Variants in FXR1 observed in about 807,000 individuals in gnomAD.
FXR1 encodes FMR1 autosomal homolog 1, also known as RNA-binding protein FXR1.
In FXR1, 15 loss-of-function variants were observed where a neutral mutation model predicts 84.0. That is an observed-to-expected ratio of 0.18 (90% CI 0.12 to 0.27). FXR1 has a LOEUF of 0.27. FXR1 is among the 10% of genes least tolerant of loss of function. The pLI is 1.00. For synonymous variants in FXR1, 245 were observed against 250.7 expected, an observed-to-expected ratio of 0.98 and a Z score of 0.21; for missense variants, 480 against 774.4, an observed-to-expected ratio of 0.62 and a Z score of 4.51.
chr3:180,975,480 T>C (rs1172942940), intron 16 of FXR1, 76 bp downstream of exon 16: 2 of 576,898 alleles, frequency 3.5e-6, no homozygotes, highest in Non-Finnish European at 6.2e-6. Flanking sequence ...TTTACTACTT[T>C]TACTGTGTGA....
chr3:180,941,248 T>TG, intron 3 of FXR1, among the ~76,000 whole-genome samples: 1 of 151,808 alleles, frequency 6.6e-6, no homozygotes, highest in Non-Finnish European at 1.5e-5. Context: ...TGGAGTACAA[T>TG]GGTGCCATCA....
At chr3:180,916,508 A>G (rs1717914176) in intron 1 of FXR1, among the ~76,000 whole-genome samples, 1 of 152,170 alleles carries the variant, frequency 6.6e-6, no homozygotes, top group Non-Finnish European at 1.5e-5. Context: ...CCCAGGTTCA[A>G]GTGATTCTCC....
In FXR1 at chr3:180,979,554, T is replaced by A. The variant is rs942441776; in HGVS notation, c.*3262T>A. ...ATAGTGAATTTGCTAGCCCCTTATT[T>A]TTTTTTTTAATTTTAGTTCTTTATT... On this transcript the variant is annotated 3_prime_UTR_variant, in exon 17 of 17. Coordinates refer to ENST00000357559, the MANE Select transcript of FXR1 (RefSeq NM_005087.4). 2.0e-5 allele frequency: 3 copies of A among 152,060 alleles called. No homozygotes were observed. The highest frequency in any genetic ancestry group is 7.2e-5 in the African/African-American group (3 of 41,412). The allele number at this position is 152,060 out of a possible 1,614,324, so 9.4% of individuals were successfully genotyped here. A position where few individuals can be genotyped will look rare whatever the true frequency, so the allele number is the denominator to read the frequency against.
chr3:180,919,896 G>C (rs1347829578), intron 1 of FXR1, among the ~76,000 whole-genome samples: 1 of 148,784 alleles, frequency 6.7e-6, no homozygotes, highest in Non-Finnish European at 1.5e-5. Flanking sequence ...CCAAACTGCT[G>C]ACCTTATGAT....
intron 13 of FXR1, among the ~76,000 whole-genome samples, chr3:180,965,097 A>G (rs7611091): frequency 0.069 from 10,494 of 151,802 alleles, 1,046 homozygotes; most frequent in African/African-American, 0.22. Flanking sequence ...GCTCACCGCA[A>G]CCTCTCCCTC....
intron 13 of FXR1, among the ~76,000 whole-genome samples, chr3:180,964,521 C>A (rs1712544035): frequency 6.6e-6 from 1 of 151,980 alleles, no homozygotes; most frequent in Non-Finnish European, 1.5e-5. Context: ...CAGTAGATGG[C>A]ACTCTTAGCT....
intron 1 of FXR1, among the ~76,000 whole-genome samples, chr3:180,918,158 T>C (rs1718131282): frequency 6.6e-6 from 1 of 152,176 alleles, no homozygotes; most frequent in South Asian, 2.1e-4. Flanking sequence ...GTACCTGTTA[T>C]TTTCTATGTC....
chr3:180,931,132 C>A (rs1719849779), intron 1 of FXR1, among the ~76,000 whole-genome samples: 1 of 150,760 alleles, frequency 6.6e-6, no homozygotes, highest in Admixed American at 6.6e-5. Flanking sequence ...GCCTGAACTA[C>A]AGTGGCAACT....
rs754901294 is a variant in FXR1 at position 180,976,198 on chromosome 3, T to C, written c.1772T>C (p.Ile591Thr). ...NGPTSASGDDISKLQRTPGEE... is the reference protein window; with the variant it reads ...NGPTSASGDDTSKLQRTPGEE... ...CCAACTAGTGCTTCTGGCGATGACA[T>C]TTCTAAGCTACAGCGTACTCCAGGA... Residue 591 changes from isoleucine (I) to threonine (T), a missense_variant, in exon 17 of 17, where the codon ATT (isoleucine) becomes ACT (threonine). Physicochemically the swap from Ile to Thr is moderately conservative, Grantham distance 89. Transcript: ENST00000357559. 1 of 1,612,860 alleles carries C rather than the reference T, an allele frequency of 6.2e-7. No individual in the cohort carries two copies. The highest frequency in any genetic ancestry group is 8.5e-7 in the Non-Finnish European group (1 of 1,178,876).
chr3:180,942,686 ATT>A (rs1721265461), intron 3 of FXR1, among the ~76,000 whole-genome samples: 1 of 152,092 alleles, frequency 6.6e-6, no homozygotes, highest in East Asian at 1.9e-4. Flanking sequence ...AGTCTCCTGG[ATT>A]TTAGTATGTT....
In FXR1 at chr3:180,978,482, TTTA is replaced by T. The variant is rs1215254907; in HGVS notation, c.*2191_*2193del. The stretch of plus-strand genomic sequence containing the variant: ...GGGTAGCCATTAATTCAGGTAGCCT[TTTA>T]AATGTATTTGAGAGGGTTCCGTCTT... On this transcript the variant is annotated 3_prime_UTR_variant, in exon 17 of 17. Transcript: ENST00000357559. 1.3e-5 allele frequency: 2 copies of T among 152,076 alleles called. No homozygotes were observed. The highest frequency in any genetic ancestry group is 4.8e-5 in the African/African-American group (2 of 41,424). 9.4% of individuals were successfully genotyped at this position (152,076 alleles called of 1,614,324 possible).
intron 1 of FXR1, among the ~76,000 whole-genome samples, chr3:180,930,040 C>T (rs1431738232): frequency 6.6e-6 from 1 of 152,046 alleles, no homozygotes; most frequent in Non-Finnish European, 1.5e-5. Context: ...CCAAGGTGGG[C>T]GGATCACGAG....
rs1183258124 is a variant in FXR1, at chr3:180,979,834, G to GT, written c.*3545dup. ...CAGTCTAATTACAAATTTTTAAAAA[G>GT]TTTATCAGTGTATCATTTCAGATTC... On this transcript the variant is annotated 3_prime_UTR_variant, in exon 17 of 17. Transcript: ENST00000357559. 6.6e-6 allele frequency: 1 copy of GT among 151,984 alleles called. No individual in the cohort carries two copies. The highest frequency in any genetic ancestry group is 2.4e-5 in the African/African-American group (1 of 41,414). 9.4% of individuals were successfully genotyped at this position (151,984 alleles called of 1,614,324 possible).
chr3:180,938,285 CT>C (rs1720745921), intron 3 of FXR1, among the ~76,000 whole-genome samples: 1 of 152,108 alleles, frequency 6.6e-6, no homozygotes, highest in South Asian at 2.1e-4. Flanking sequence ...TTCAGAATTA[CT>C]TTATACTTTT....
chr3:180,971,183 TC>T, intron 15 of FXR1: 1 of 920,872 alleles, frequency 1.1e-6, no homozygotes. Context: ...GTGGACACCA[TC>T]AGGTCACAAG....
chr3:180,961,722 T>C (rs990227777), intron 11 of FXR1, among the ~76,000 whole-genome samples, 168 bp downstream of exon 11: 20 of 152,228 alleles, frequency 1.3e-4, no homozygotes, highest in Non-Finnish European at 2.1e-4. Flanking sequence ...TTTGCCATTG[T>C]TCTACATGAG....
intron 9 of FXR1, among the ~76,000 whole-genome samples, chr3:180,954,529 A>G (rs1432998258): frequency 6.6e-6 from 1 of 152,210 alleles, no homozygotes; most frequent in Non-Finnish European, 1.5e-5. Context: ...TATGCACTAC[A>G]TCTGTGCTGT....
At chr3:180,961,614 G>A in intron 11 of FXR1, 60 bp downstream of exon 11, 1 of 747,954 alleles carries the variant, frequency 1.3e-6, no homozygotes, top group Non-Finnish European at 2.3e-6. Flanking sequence ...CATAAATGTT[G>A]TACATTTGCT....
At chr3:180,956,374 A>G (rs538937748) in intron 9 of FXR1, among the ~76,000 whole-genome samples, 6 of 152,308 alleles carry the variant, frequency 3.9e-5, no homozygotes, top group South Asian at 2.1e-4. Flanking sequence ...AACTATGGAA[A>G]TGATCATTTA....
Sources: allele counts gnomAD v4.1 joint callset (sites outside exome capture counted in the v4.1 genomes callset), GRCh38; gene constraint gnomAD v4.1.1; transcripts MANE v1.5; gene names NCBI Gene and HGNC (gene_info 2026-07-23, HGNC 2026-07-21).